The following LACTB2 variants were observed in gnomAD, a reference collection of about 807,000 sequenced individuals.
The protein encoded by LACTB2 is endoribonuclease LACTB2.
LACTB2 carries 32 observed loss-of-function variants against 34.8 expected under a neutral mutation model. The ratio of observed to expected loss-of-function variants is 0.92; its 90% CI spans 0.69 to 1.24. LACTB2 has a LOEUF of 1.24. Ranked by LOEUF, LACTB2 falls within the 50% of genes most tolerant of loss-of-function variation. The pLI is 0.00. For missense variants in LACTB2, 320 were observed against 345.0 expected (o/e 0.93, Z 0.57); for synonymous variants, 120 against 117.5 (o/e 1.02, Z -0.14).
At chr8:70,639,906 G>T (rs1456885179) in intron 5 of LACTB2, among the ~76,000 whole-genome samples, 1 of 152,098 alleles carries the variant, frequency 6.6e-6, no homozygotes, top group Non-Finnish European at 1.5e-5. Context: ...AGGTTGTGGT[G>T]AGCCAAGATG....
At chr8:70,642,436 T>C (rs1275381146) in intron 4 of LACTB2, among the ~76,000 whole-genome samples, 1 of 152,092 alleles carries the variant, frequency 6.6e-6, no homozygotes. Flanking sequence ...TAGAAGAACT[T>C]AGGAAGTTAA....
chr8:70,660,367 C>T (rs940434828), intron 2 of LACTB2: 1 of 320,716 alleles, frequency 3.1e-6, no homozygotes, highest in Non-Finnish European at 6.1e-6. Context: ...ATTATAAGTT[C>T]CTATGGTACA....
At chr8:70,656,327 A>C (rs1422914914) in intron 3 of LACTB2, among the ~76,000 whole-genome samples, 1 of 152,208 alleles carries the variant, frequency 6.6e-6, no homozygotes, top group Non-Finnish European at 1.5e-5. Flanking sequence ...TCTTAGGTTT[A>C]AGTCCTTAAT....
intron 3 of LACTB2, chr8:70,654,694 T>A (rs1818387438): frequency 6.6e-6 from 1 of 152,324 alleles, no homozygotes; most frequent in Admixed American, 6.6e-5. Flanking sequence ...CTGGGCCAGT[T>A]CACCTCTCCT....
At chr8:70,650,749 A>G (rs1204188293) in intron 3 of LACTB2, among the ~76,000 whole-genome samples, 80 of 148,966 alleles carry the variant, frequency 5.4e-4, no homozygotes, top group East Asian at 3.5e-3. Flanking sequence ...AAAAAAAAAA[A>G]AAAAAAAAAG....
chr8:70,667,586 C>A (rs1586792303), intron 1 of LACTB2, among the ~76,000 whole-genome samples: 2 of 152,200 alleles, frequency 1.3e-5, no homozygotes, highest in East Asian at 3.8e-4. Context: ...ATCTGCTTTT[C>A]CCTCAGTTAG....
At chr8:70,641,268 A>G (rs1818196710) in intron 4 of LACTB2, among the ~76,000 whole-genome samples, 1 of 152,268 alleles carries the variant, frequency 6.6e-6, no homozygotes, top group South Asian at 2.1e-4. Flanking sequence ...TACAATCTAT[A>G]GAAAATATTG....
chr8:70,657,891 A>G lies in LACTB2; in HGVS notation c.287-9T>C. ...AATGCAATAGGTAGTGTCTAGTCAT[A>G]AAACATATAAAATATATTAATTCAC... On this transcript the variant is annotated splice_polypyrimidine_tract_variant and intron_variant, in intron 2 of 6. Transcript: ENST00000276590. 1 of 1,555,960 alleles carries G rather than the reference A, an allele frequency of 6.4e-7. No individual in the cohort carries two copies. Among genetic ancestry groups the G allele is most frequent in the Non-Finnish European group, 8.8e-7 (1 of 1,137,266 alleles).
At chr8:70,661,218 T>C (rs966576367) in intron 2 of LACTB2, 10 of 355,604 alleles carry the variant, frequency 2.8e-5, no homozygotes, top group South Asian at 1.1e-4. Flanking sequence ...ATTTAATGAA[T>C]GAATGAATGA....
At position 70,637,868 on chromosome 8, in the gene LACTB2, G is replaced by A. The variant is rs774475856; in HGVS notation, c.859C>T (p.His287Tyr). 2.3e-5 allele frequency: 35 copies of A among 1,550,252 alleles called. No homozygotes were observed. Among genetic ancestry groups the A allele is most frequent in the Non-Finnish European group, 3.0e-5 (35 of 1,147,756 alleles). ...NTDPDKKWKA[H>Y]L Reference sequence around the variant, plus strand: ...CTTTCTTTAATCTGAAACTAAAGATGAGCTTTCCATTTCTTGTCAGGATCT... The same window carrying A: ...CTTTCTTTAATCTGAAACTAAAGATAAGCTTTCCATTTCTTGTCAGGATCT... Residue 287 changes from histidine to tyrosine, a missense_variant, in exon 7 of 7, where the codon CAT becomes TAT. Coordinates refer to ENST00000276590, the MANE Select transcript of LACTB2 (RefSeq NM_016027.3).
chr8:70,660,874 C>G, intron 2 of LACTB2: 1 of 456,168 alleles, frequency 2.2e-6, no homozygotes, highest in Non-Finnish European at 4.4e-6. Flanking sequence ...GCTTCCCTGG[C>G]TCAAGCCATC....
intron 4 of LACTB2, among the ~76,000 whole-genome samples, 154 bp from the exon 5 acceptor site, chr8:70,641,204 G>A (rs1235863384): frequency 6.6e-6 from 1 of 152,048 alleles, no homozygotes; most frequent in Non-Finnish European, 1.5e-5. Context: ...CTATACAGGT[G>A]AAAGAGATTT....
chr8:70,660,461 T>C (rs1818467740), intron 2 of LACTB2: 3 of 372,172 alleles, frequency 8.1e-6, no homozygotes, highest in South Asian at 4.1e-5. Flanking sequence ...CCTGGTGATA[T>C]TGGGTGTGGT....
Position 70,668,991 on chromosome 8 carries a change from A to T in LACTB2, c.122+8T>A, listed in dbSNP as rs1282752697. Reference sequence around the variant, plus strand: ...CGAACGTTGGGGAGGTTGGAGAGGGACGTTTACCTGGGGCCGGTCCCCACT... The same window carrying T: ...CGAACGTTGGGGAGGTTGGAGAGGGTCGTTTACCTGGGGCCGGTCCCCACT... On this transcript the variant is annotated splice_region_variant and intron_variant, in intron 1 of 6. Coordinates refer to ENST00000276590, the MANE Select transcript of LACTB2 (RefSeq NM_016027.3). The T allele has an allele frequency of 6.3e-7, 1 of 1,577,636 alleles. No individual in the cohort carries two copies. The highest frequency in any genetic ancestry group is 1.2e-5 in the South Asian group (1 of 86,648).
At chr8:70,650,821 A>G (rs558870599) in intron 3 of LACTB2, among the ~76,000 whole-genome samples, 23 of 151,708 alleles carry the variant, frequency 1.5e-4, no homozygotes, top group African/African-American at 5.3e-4. Context: ...AATACTACCC[A>G]ATTTTATTAC....
At chr8:70,650,900 A>G (rs1388633183) in intron 3 of LACTB2, among the ~76,000 whole-genome samples, 1 of 151,974 alleles carries the variant, frequency 6.6e-6, no homozygotes, top group Non-Finnish European at 1.5e-5. Context: ...TCATGACCAA[A>G]TAAGATTTAT....
chr8:70,661,741 G>A lies in LACTB2; in HGVS notation c.279C>T (p.Ile93=). Residue 93 remains isoleucine (I), a synonymous_variant, in exon 2 of 7, where the codon ATC becomes ATT. Transcript: ENST00000276590. ...TGAATGTTTTCTGTTTACCATTATT[G>A]ATGCTTTTACAAATATCTCCTATGC... ...SGGIGDICKS[I]NNDTTYCIKK... The A allele has an allele frequency of 6.2e-7, 1 of 1,605,850 alleles. No individual in the cohort carries two copies. Among genetic ancestry groups the A allele is most frequent in the South Asian group, 1.1e-5 (1 of 89,016 alleles).
At chr8:70,665,594 A>G (rs1044141263) in intron 1 of LACTB2, among the ~76,000 whole-genome samples, 6 of 152,212 alleles carry the variant, frequency 3.9e-5, no homozygotes, top group African/African-American at 1.2e-4. Context: ...GAACTTGTTA[A>G]GTGCTTTTCA....
At chr8:70,641,562 T>G (rs1429113245) in intron 4 of LACTB2, among the ~76,000 whole-genome samples, 1 of 152,176 alleles carries the variant, frequency 6.6e-6, no homozygotes, top group African/African-American at 2.4e-5. Flanking sequence ...TCTTAACCAC[T>G]CTGTGCTCTT....
Sources: allele counts gnomAD v4.1 joint callset (sites outside exome capture counted in the v4.1 genomes callset), GRCh38; gene constraint gnomAD v4.1.1; transcripts MANE v1.5; gene names NCBI Gene and HGNC (gene_info 2026-07-23, HGNC 2026-07-21).